The following UBL3 variants were observed in gnomAD, a reference collection of about 807,000 sequenced individuals.
UBL3 encodes the protein ubiquitin like 3.
UBL3 carries 6 observed loss-of-function variants against 18.4 expected under a neutral mutation model. The ratio of observed to expected loss-of-function variants is 0.33; its 90% CI spans 0.18 to 0.64. The LOEUF (loss-of-function observed/expected upper bound fraction) is 0.64. UBL3 is among the 30% of genes least tolerant of loss of function. The pLI, the probability that UBL3 is intolerant of heterozygous loss-of-function variation, is 0.76. For synonymous variants in UBL3, 49 were observed against 46.6 expected (o/e 1.05, Z -0.21); for missense variants, 109 against 142.9 (o/e 0.76, Z 1.21).
intron 1 of UBL3, among the ~76,000 whole-genome samples, chr13:29,790,359 C>T (rs947376398): frequency 2.0e-5 from 3 of 152,068 alleles, no homozygotes; most frequent in Non-Finnish European, 4.4e-5. Context: ...CCTTTTAAAC[C>T]TGTGTCTATT....
intron 1 of UBL3, among the ~76,000 whole-genome samples, chr13:29,809,315 A>G (rs745722775): frequency 2.2e-4 from 34 of 152,164 alleles, no homozygotes; most frequent in Non-Finnish European, 4.4e-5. Context: ...AGGTGGTAGA[A>G]CAGTTTAGGC....
Position 29,849,609 on chromosome 13 carries a change from G to A in UBL3, c.-71C>T. 2 of 1,587,700 alleles carry A rather than the reference G, an allele frequency of 1.3e-6. No individual in the cohort carries two copies. The highest frequency in any genetic ancestry group is 1.3e-5 in the African/African-American group (1 of 74,558). On this transcript the variant is annotated 5_prime_UTR_variant, in exon 1 of 5. In the 5' UTR this introduces an upstream ATG that the reference lacks. Coordinates refer to ENST00000380680, the MANE Select transcript of UBL3 (RefSeq NM_007106.4). ...AAGAAAAAAGAGCAGAAGTCTTCAC[G>A]TTACAGAAATAAACCACGATTTTGA...
Position 29,776,728 on chromosome 13 carries a change from G to A in UBL3, c.136+427C>T, listed in dbSNP as rs1230650679. ...TCTACCAAAAATACAAAAATTAGCTGGGTGTGGTGGCACGTGCCTGAAGTC... is the reference window on the plus strand; with the variant it reads ...TCTACCAAAAATACAAAAATTAGCTAGGTGTGGTGGCACGTGCCTGAAGTC... On this transcript the variant is annotated intron_variant, in intron 2 of 4. Coordinates refer to ENST00000380680, the MANE Select transcript of UBL3 (RefSeq NM_007106.4). Among the ~76,000 whole-genome samples, 3 of 151,888 alleles carry A rather than the reference G, an allele frequency of 2.0e-5. No homozygotes were observed. The East Asian group carries it at 5.9e-4, about 30-fold the overall frequency.
chr13:29,818,477 A>G (rs1815366541), intron 1 of UBL3, among the ~76,000 whole-genome samples: 1 of 152,244 alleles, frequency 6.6e-6, no homozygotes, highest in African/African-American at 2.4e-5. Flanking sequence ...CTTCCAATAA[A>G]AAAGGAAGAT....
At chr13:29,768,741 C>T (rs888844719) in intron 3 of UBL3, among the ~76,000 whole-genome samples, 7 of 151,978 alleles carry the variant, frequency 4.6e-5, no homozygotes, top group African/African-American at 1.7e-4. Context: ...AGCACGATGG[C>T]CCATAAATAC....
At chr13:29,831,359 G>A (rs1379412866) in intron 1 of UBL3, among the ~76,000 whole-genome samples, 2 of 152,108 alleles carry the variant, frequency 1.3e-5, no homozygotes, top group Admixed American at 1.3e-4. Context: ...GGAGGCCGAG[G>A]TGGGTGGATC....
chr13:29,788,876 CGCGCGCGCACGCGCACGTGTGTGCGT>C (rs772693985), intron 1 of UBL3, among the ~76,000 whole-genome samples: 19,217 of 59,480 alleles, frequency 0.32, 1,380 homozygotes, highest in Non-Finnish European at 0.41. Context: ...TGTGTGCGCG[CGCGCGCGCACGCGCACGTGTGTGCGT>C]GTGTGTGTGT....
rs914753726 is a variant in UBL3 at position 29,766,609 on chromosome 13, C to T, written c.*646G>A. 1.3e-5 allele frequency: 2 copies of T among 152,620 alleles called. No homozygotes were observed. The highest frequency in any genetic ancestry group is 2.9e-5 in the Non-Finnish European group (2 of 68,044). 9.5% of individuals were successfully genotyped at this position (152,620 alleles called of 1,614,324 possible). On this transcript the variant is annotated 3_prime_UTR_variant, in exon 5 of 5. Coordinates refer to ENST00000380680, the MANE Select transcript of UBL3 (RefSeq NM_007106.4). ...AAAAAAAATTAGTTTCATCAGCCCT[C>T]TACTGAGTGCTTTAAACAGGCACAT...
intron 1 of UBL3, among the ~76,000 whole-genome samples, chr13:29,816,496 T>C (rs1442941494): frequency 6.6e-6 from 1 of 151,974 alleles, no homozygotes; most frequent in African/African-American, 2.4e-5. Context: ...CATTGGCTCA[T>C]GCCTGTAATC....
Position 29,798,438 on chromosome 13 carries a change from T to C in UBL3, c.28-21175A>G, listed in dbSNP as rs540168596. Among the ~76,000 whole-genome samples, 5 of 152,254 alleles carry C rather than the reference T, an allele frequency of 3.3e-5. No homozygotes were observed. The South Asian group carries it at 8.3e-4, about 25-fold the overall frequency. On this transcript the variant is annotated intron_variant, in intron 1 of 4. Transcript: ENST00000380680. ...ATTAGAAAGAAAGAGAAAAATACCA[T>C]AATTACCATGATCACAGACAAGATC...
chr13:29,816,982 G>A (rs918524083), intron 1 of UBL3, among the ~76,000 whole-genome samples: 16 of 152,050 alleles, frequency 1.1e-4, no homozygotes, highest in African/African-American at 3.4e-4. Context: ...GATGTGAGAC[G>A]CAAAAGTTAT....
intron 1 of UBL3, among the ~76,000 whole-genome samples, chr13:29,814,284 A>G (rs1182318568): frequency 6.6e-6 from 1 of 152,078 alleles, no homozygotes; most frequent in African/African-American, 2.4e-5. Context: ...ATCAGTCCTT[A>G]ACTAAAACTG....
At chr13:29,829,061 C>A (rs1037931389) in intron 1 of UBL3, among the ~76,000 whole-genome samples, 2 of 152,104 alleles carry the variant, frequency 1.3e-5, no homozygotes, top group Admixed American at 6.5e-5. Context: ...GGTACCTGGC[C>A]CTGTGAGGTG....
intron 1 of UBL3, among the ~76,000 whole-genome samples, chr13:29,823,233 C>A (rs973888802): frequency 2.6e-5 from 4 of 152,148 alleles, no homozygotes; most frequent in Admixed American, 2.6e-4. Flanking sequence ...ACCTCCATCT[C>A]CCGGGTTCAA....
intron 1 of UBL3, among the ~76,000 whole-genome samples, chr13:29,801,480 A>C (rs1393341016): frequency 5.3e-5 from 8 of 152,264 alleles, no homozygotes; most frequent in African/African-American, 1.7e-4. Flanking sequence ...TCTCATTATG[A>C]GCCCTCAACC....
chr13:29,806,231 A>G (rs1252842153), intron 1 of UBL3, among the ~76,000 whole-genome samples: 1 of 152,176 alleles, frequency 6.6e-6, no homozygotes, highest in Non-Finnish European at 1.5e-5. Flanking sequence ...GTATTTCTAT[A>G]TTAGTAAAAT....
At position 29,849,531 on chromosome 13, in the gene UBL3, C is replaced by T. The variant is rs768787059; in HGVS notation, c.8G>A (p.Ser3Asn). 2.0e-5 allele frequency: 32 copies of T among 1,613,986 alleles called. No individual in the cohort carries two copies. In the Admixed American group the frequency reaches 5.2e-4, roughly 26 times the overall value. The change falls in exon 1 of 5, where the codon AGT (serine) becomes AAT (asparagine). Residue 3 changes from serine to asparagine, a missense_variant. Transcript: ENST00000380680. The part of the protein sequence containing the change: MS[S>N]NVPADMINLR... ...ACTTACCATATCCGCCGGGACATTA[C>T]TGGACATCTTGCCGTTTGATATACA...
intron 1 of UBL3, among the ~76,000 whole-genome samples, chr13:29,804,919 A>G (rs1877863248): frequency 6.6e-6 from 1 of 152,192 alleles, no homozygotes. Context: ...GATCATTCCT[A>G]CCTTCTAATG....
rs145742909 is a variant in UBL3 at position 29,837,582 on chromosome 13, C to G, written c.27+11930G>C. 1.6e-3 allele frequency among the ~76,000 whole-genome samples: 248 copies of G among 152,180 alleles called. 2 individuals carry two copies. The highest frequency in any genetic ancestry group is 0.015 in the South Asian group (70 of 4,816). ...AGAAATAATACTTAAAGAATATTAG[C>G]TAATTCCCGGGCCAGGTGCCTATAA... On this transcript the variant is annotated intron_variant, in intron 1 of 4. Coordinates refer to ENST00000380680, the MANE Select transcript of UBL3 (RefSeq NM_007106.4).
Sources: allele counts gnomAD v4.1 joint callset (sites outside exome capture counted in the v4.1 genomes callset), GRCh38; gene constraint gnomAD v4.1.1; transcripts MANE v1.5; gene names NCBI Gene and HGNC (gene_info 2026-07-23, HGNC 2026-07-21).